The following SGCZ variants were observed in gnomAD, a reference collection of about 807,000 sequenced individuals.
The protein encoded by SGCZ is sarcoglycan zeta.
In SGCZ, 40 loss-of-function variants were observed where a neutral mutation model predicts 41.3. That is an observed-to-expected ratio of 0.97 (90% CI 0.75 to 1.26). SGCZ has a LOEUF of 1.26. Ranked by LOEUF, SGCZ falls within the 50% of genes most tolerant of loss-of-function variation. SGCZ has a pLI of 0.00. For synonymous variants in SGCZ, 206 were observed against 137.5 expected, an observed-to-expected ratio of 1.50 and a Z score of -3.49; for missense variants, 552 against 369.8, an observed-to-expected ratio of 1.49 and a Z score of -4.04.
At chr8:14,104,756 G>A (rs1322084952) in intron 6 of SGCZ, among the ~76,000 whole-genome samples, 1 of 151,970 alleles carries the variant, frequency 6.6e-6, no homozygotes, top group African/African-American at 2.4e-5. Context: ...TTAATGATGT[G>A]TATTAGAGCT....
At chr8:15,080,018 G>T (rs530668661) in intron 1 of SGCZ, among the ~76,000 whole-genome samples, 14 of 151,658 alleles carry the variant, frequency 9.2e-5, no homozygotes, top group African/African-American at 3.1e-4. Context: ...TTCTCCAGCC[G>T]GTCCTCTATT....
chr8:14,123,552 G>A (rs1802763124), intron 5 of SGCZ, among the ~76,000 whole-genome samples: 1 of 152,098 alleles, frequency 6.6e-6, no homozygotes, highest in Admixed American at 6.5e-5. Context: ...CACATCCAGA[G>A]CCATGACCAA....
intron 1 of SGCZ, among the ~76,000 whole-genome samples, chr8:15,147,850 A>G (rs1799078082): frequency 6.6e-6 from 1 of 152,190 alleles, no homozygotes; most frequent in South Asian, 2.1e-4. Context: ...TGTAATATAT[A>G]CTATGAATTA....
At chr8:14,722,469 A>G (rs1801843425) in intron 1 of SGCZ, among the ~76,000 whole-genome samples, 1 of 152,098 alleles carries the variant, frequency 6.6e-6, no homozygotes, top group Admixed American at 6.5e-5. Flanking sequence ...ATAAAACAAA[A>G]TATTGCAGGA....
At chr8:14,642,397 C>G (rs1437200047) in intron 1 of SGCZ, among the ~76,000 whole-genome samples, 1 of 151,488 alleles carries the variant, frequency 6.6e-6, no homozygotes, top group Non-Finnish European at 1.5e-5. Flanking sequence ...TATCTATAGA[C>G]AAATCTCTTT....
intron 1 of SGCZ, among the ~76,000 whole-genome samples, chr8:15,034,609 C>A (rs568370490): frequency 1.3e-5 from 2 of 152,202 alleles, no homozygotes; most frequent in African/African-American, 4.8e-5. Flanking sequence ...ACAGAAAGGT[C>A]AAAGGTCTCC....
intron 2 of SGCZ, among the ~76,000 whole-genome samples, chr8:14,415,194 C>A (rs1799462083): frequency 6.6e-6 from 1 of 151,782 alleles, no homozygotes; most frequent in Non-Finnish European, 1.5e-5. Context: ...AATAATGCTT[C>A]ACAAGTGTTC....
At chr8:14,731,207 A>G (rs1810228074) in intron 1 of SGCZ, among the ~76,000 whole-genome samples, 1 of 151,772 alleles carries the variant, frequency 6.6e-6, no homozygotes, top group Admixed American at 6.6e-5. Flanking sequence ...ATGCAGCCAT[A>G]AAAAAGGATG....
Position 14,090,369 on chromosome 8 carries a change from G to C in SGCZ, c.*74C>G, listed in dbSNP as rs1801648924. The C allele has an allele frequency of 1.3e-6, 2 of 1,506,260 alleles. No homozygotes were observed. Among genetic ancestry groups the C allele is most frequent in the South Asian group, 2.6e-5 (2 of 77,198 alleles). 93.3% of individuals were successfully genotyped at this position (1,506,260 alleles called of 1,614,324 possible). A position where few individuals can be genotyped will look rare whatever the true frequency, so the allele number is the denominator to read the frequency against. ...GAAGAAGCTCTGGACTGATCACAAGGGAAACCGAGCAGAACTGTGAAGCAG... is the reference window on the plus strand; with the variant it reads ...GAAGAAGCTCTGGACTGATCACAAGCGAAACCGAGCAGAACTGTGAAGCAG... On this transcript the variant is annotated 3_prime_UTR_variant, in exon 8 of 8. Coordinates refer to ENST00000382080, the MANE Select transcript of SGCZ (RefSeq NM_139167.4).
Position 14,550,268 on chromosome 8 carries a change from AT to A in SGCZ, c.234+4463del, listed in dbSNP as rs1803760970. 5.9e-5 allele frequency among the ~76,000 whole-genome samples: 9 copies of A among 151,636 alleles called. No individual in the cohort carries two copies. In the South Asian group the frequency reaches 1.9e-3, roughly 32 times the overall value. On this transcript the variant is annotated intron_variant, in intron 2 of 7. Transcript: ENST00000382080. ...TAATATATATTTTGTGCTAAAAACAATATAATGGTTGAATTGTATACAAATA... is the reference window on the plus strand; with the variant it reads ...TAATATATATTTTGTGCTAAAAACAAATAATGGTTGAATTGTATACAAATA...
At chr8:14,542,148 T>C (rs1281615405) in intron 2 of SGCZ, among the ~76,000 whole-genome samples, 3 of 152,148 alleles carry the variant, frequency 2.0e-5, no homozygotes, top group Non-Finnish European at 4.4e-5. Context: ...AGATCACATT[T>C]GTCAATTTTG....
intron 2 of SGCZ, among the ~76,000 whole-genome samples, chr8:14,383,635 A>G (rs971874533): frequency 5.9e-5 from 9 of 152,222 alleles, no homozygotes; most frequent in Non-Finnish European, 1.2e-4. Flanking sequence ...CATTTCCACT[A>G]TAATTAAATT....
chr8:14,890,960 T>C (rs1231442917), intron 1 of SGCZ, among the ~76,000 whole-genome samples: 1 of 152,216 alleles, frequency 6.6e-6, no homozygotes, highest in Non-Finnish European at 1.5e-5. Flanking sequence ...GTTTATAGCA[T>C]GGTTTACTGA....
intron 1 of SGCZ, among the ~76,000 whole-genome samples, chr8:15,192,480 T>G (rs1800574496): frequency 1.3e-5 from 2 of 152,286 alleles, no homozygotes; most frequent in South Asian, 4.1e-4. Flanking sequence ...TTAAATATTT[T>G]CTAGTCATTG....
chr8:14,609,498 A>G (rs994979507), intron 1 of SGCZ, among the ~76,000 whole-genome samples: 1 of 152,220 alleles, frequency 6.6e-6, no homozygotes, highest in African/African-American at 2.4e-5. Flanking sequence ...GCATGATGAA[A>G]AGTACTGCAT....
At chr8:15,174,821 A>C (rs985997296) in intron 1 of SGCZ, among the ~76,000 whole-genome samples, 1 of 152,212 alleles carries the variant, frequency 6.6e-6, no homozygotes, top group Non-Finnish European at 1.5e-5. Context: ...AAACATTAAA[A>C]TTATTGGCTA....
chr8:14,866,605 T>G (rs1335918161), intron 1 of SGCZ, among the ~76,000 whole-genome samples: 1 of 151,436 alleles, frequency 6.6e-6, no homozygotes, highest in African/African-American at 2.4e-5. Flanking sequence ...AGTCCAGGAG[T>G]TTGAGACCAG....
At chr8:15,212,562 T>C (rs1421623651) in intron 1 of SGCZ, among the ~76,000 whole-genome samples, 1 of 152,134 alleles carries the variant, frequency 6.6e-6, no homozygotes, top group African/African-American at 2.4e-5. Flanking sequence ...ATATATTCTG[T>C]AGACTGAGAG....
intron 2 of SGCZ, among the ~76,000 whole-genome samples, chr8:14,424,599 T>C (rs1799726247): frequency 6.6e-6 from 1 of 150,442 alleles, no homozygotes; most frequent in African/African-American, 2.5e-5. Context: ...AATTCATATA[T>C]TTTTTACTTA....
Sources: gnomAD v4.1 joint callset for allele counts (sites outside exome capture counted in the v4.1 genomes callset) on GRCh38, gnomAD v4.1.1 for gene constraint, MANE v1.5 for transcripts, NCBI Gene and HGNC (gene_info 2026-07-23, HGNC 2026-07-21) for gene names.